Variants in RELN observed in about 807,000 individuals in gnomAD.
The protein encoded by RELN is reelin.
A neutral mutation model predicts 427.6 loss-of-function variants in RELN; 108 were observed. The ratio of observed to expected loss-of-function variants is 0.25; its 90% CI spans 0.22 to 0.30. The LOEUF (loss-of-function observed/expected upper bound fraction) is 0.30. RELN is among the 10% of genes least tolerant of loss of function. RELN has a pLI of 1.00. For missense variants in RELN, 3,715 were observed against 4,302.8 expected, an observed-to-expected ratio of 0.86 and a Z score of 3.82; for synonymous variants, 1,524 against 1,513.4, an observed-to-expected ratio of 1.01 and a Z score of -0.16.
chr7:103,965,226 A>C (rs965562302), intron 1 of RELN, among the ~76,000 whole-genome samples: 3 of 152,230 alleles, frequency 2.0e-5, no homozygotes, highest in African/African-American at 7.2e-5. Context: ...AATGAGAGAA[A>C]TTTTTAAAAC....
intron 33 of RELN, 76 bp downstream of exon 33, chr7:103,566,148 G>A: frequency 7.5e-7 from 1 of 1,336,096 alleles, no homozygotes; most frequent in Non-Finnish European, 1.1e-6. Flanking sequence ...GCATTAGAAA[G>A]TTTTCTCCTG....
intron 2 of RELN, among the ~76,000 whole-genome samples, chr7:103,904,759 C>T (rs1460843248): frequency 6.6e-6 from 1 of 152,038 alleles, no homozygotes; most frequent in Non-Finnish European, 1.5e-5. Context: ...GAAGTTAAAG[C>T]AAGGGATTGC....
At chr7:103,931,227 C>T (rs750906320) in intron 1 of RELN, among the ~76,000 whole-genome samples, 6 of 152,168 alleles carry the variant, frequency 3.9e-5, no homozygotes, top group African/African-American at 7.2e-5. Flanking sequence ...CACACCTCTA[C>T]GTGTCCAATA....
chr7:103,503,893 TAA>T (rs71154347), intron 51 of RELN, among the ~76,000 whole-genome samples: 989 of 96,610 alleles, frequency 0.01, 11 homozygotes, highest in African/African-American at 0.033. Context: ...AATGTTCTTG[TAA>T]AAAAAAAAAA....
chr7:103,969,206 T>C (rs1186612155), intron 1 of RELN, among the ~76,000 whole-genome samples: 2 of 152,318 alleles, frequency 1.3e-5, no homozygotes, highest in South Asian at 2.1e-4. Flanking sequence ...CCAGTAATTA[T>C]GGCAAAGTTC....
Position 103,749,621 on chromosome 7 carries a change from A to C in RELN, c.578-117T>G, listed in dbSNP as rs563511228. The C allele has an allele frequency of 3.1e-5, 24 of 768,478 alleles. No homozygotes were observed. In the South Asian group the frequency reaches 3.4e-4, roughly 11 times the overall value. 47.6% of individuals were successfully genotyped at this position (768,478 alleles called of 1,614,324 possible). The stretch of plus-strand genomic sequence containing the variant: ...TAATGTATCCTAAAACTAAATTTTA[A>C]ATGAGCAGTTGATTATATTTGCTTT... On this transcript the variant is annotated intron_variant, in intron 5 of 64. Transcript: ENST00000428762.
chr7:103,496,700 G>T lies in RELN; in HGVS notation c.9019C>A (p.Leu3007Ile). 6.2e-7 allele frequency: 1 copy of T among 1,614,158 alleles called. No homozygotes were observed. The highest frequency in any genetic ancestry group is 1.1e-5 in the South Asian group (1 of 91,082). Residue 3007 changes from leucine (L) to isoleucine (I), a missense_variant, in exon 56 of 65, where the codon CTT (leucine) becomes ATT (isoleucine). Coordinates refer to ENST00000428762, the MANE Select transcript of RELN (RefSeq NM_005045.4). ...TTGGTGAGGGCATCTTCAGGAAGAA[G>T]TATGTAGTCGTGTCTAACAGAAATG... ...KYISVRHDYI[L>I]LPEDALTNTT...
chr7:103,925,433 T>C (rs968525511), intron 1 of RELN, among the ~76,000 whole-genome samples: 3 of 152,190 alleles, frequency 2.0e-5, no homozygotes, highest in African/African-American at 4.8e-5. Context: ...CACTTTATTA[T>C]AATTCAGAGA....
At chr7:103,886,184 G>A (rs931452356) in intron 2 of RELN, among the ~76,000 whole-genome samples, 1 of 152,004 alleles carries the variant, frequency 6.6e-6, no homozygotes, top group African/African-American at 2.4e-5. Flanking sequence ...AAGCCAAAAT[G>A]AAATAGGCAA....
chr7:103,947,667 C>T (rs549044508), intron 1 of RELN, among the ~76,000 whole-genome samples: 185 of 152,254 alleles, frequency 1.2e-3, no homozygotes, highest in Non-Finnish European at 9.9e-4. Context: ...TACTTTGTTA[C>T]AGCAGTCCCA....
At chr7:103,704,146 T>A (rs1419618354) in intron 8 of RELN, among the ~76,000 whole-genome samples, 1 of 152,150 alleles carries the variant, frequency 6.6e-6, no homozygotes, top group African/African-American at 2.4e-5. Flanking sequence ...TGATTTTAAA[T>A]TGACAAATAA....
At chr7:103,910,563 G>C (rs1256731817) in intron 2 of RELN, among the ~76,000 whole-genome samples, 1 of 146,972 alleles carries the variant, frequency 6.8e-6, no homozygotes, top group South Asian at 2.2e-4. Context: ...TAAGCCAAAA[G>C]AACAAAGCTG....
intron 11 of RELN, among the ~76,000 whole-genome samples, chr7:103,678,455 A>T (rs926679938): frequency 1.3e-5 from 2 of 152,190 alleles, no homozygotes; most frequent in African/African-American, 4.8e-5. Flanking sequence ...AATCCCACTT[A>T]AAAAAATAAA....
chr7:103,679,458 C>T (rs1260870004), intron 11 of RELN, among the ~76,000 whole-genome samples: 2 of 152,170 alleles, frequency 1.3e-5, no homozygotes, highest in African/African-American at 2.4e-5. Flanking sequence ...TTCTCAAGCA[C>T]ATTATTATAT....
chr7:103,518,505 G>GTTTTTTTTTTTTTTTTTTTTTTTTTTTTT (rs58239018), intron 49 of RELN, among the ~76,000 whole-genome samples: 2 of 114,400 alleles, frequency 1.7e-5, no homozygotes, highest in African/African-American at 9.2e-5. Flanking sequence ...GGTAATTTAA[G>GTTTTTTTTTTTTTTTTTTTTTTTTTTTTT]TTTTTTTTTT....
In RELN at chr7:103,553,777, A is replaced by G. The variant is rs1168976165; in HGVS notation, c.5852T>C (p.Val1951Ala). The change falls in exon 39 of 65, where the codon GTA becomes GCA. Residue 1951 changes from valine (V) to alanine (A), a missense_variant. Transcript: ENST00000428762. ...VDDFIIDGNN[V>A]NNPVMLLDTF... Reference sequence around the variant, plus strand: ...ATCCAAGAGCATCACAGGGTTGTTTACATTATTTCCATCGATAATGAAGTC... The same window carrying G: ...ATCCAAGAGCATCACAGGGTTGTTTGCATTATTTCCATCGATAATGAAGTC... 6.2e-7 allele frequency: 1 copy of G among 1,614,120 alleles called. No individual in the cohort carries two copies. The highest frequency in any genetic ancestry group is 1.7e-5 in the Admixed American group (1 of 60,030).
chr7:103,696,519 C>T (rs1833979041), intron 10 of RELN, among the ~76,000 whole-genome samples: 1 of 152,146 alleles, frequency 6.6e-6, no homozygotes, highest in Admixed American at 6.6e-5. Flanking sequence ...CACTATGTTT[C>T]CTTTTCAATG....
At chr7:103,536,588 A>G (rs761725416) in intron 45 of RELN, among the ~76,000 whole-genome samples, 3 of 152,238 alleles carry the variant, frequency 2.0e-5, no homozygotes, top group Non-Finnish European at 4.4e-5. Flanking sequence ...TTTCTAGGTA[A>G]ATACAATGGC....
chr7:103,565,671 CT>C (rs1215220659), intron 33 of RELN, 120 bp from the exon 34 acceptor site: 62 of 907,484 alleles, frequency 6.8e-5, no homozygotes, highest in Non-Finnish European at 1.0e-4. Flanking sequence ...TTAGTGCCCC[CT>C]ATGTGCTTTG....
Sources: allele counts gnomAD v4.1 joint callset (sites outside exome capture counted in the v4.1 genomes callset), GRCh38; gene constraint gnomAD v4.1.1; transcripts MANE v1.5; gene names NCBI Gene and HGNC (gene_info 2026-07-23, HGNC 2026-07-21).